Variants in GOSR1 observed in about 807,000 individuals in gnomAD.
The protein encoded by GOSR1 is golgi SNAP receptor complex member 1, also known as 28 kDa Golgi SNARE protein.
Under a neutral mutation model 35.5 loss-of-function variants are expected in GOSR1, and 21 were observed. The ratio of observed to expected loss-of-function variants is 0.59; its 90% CI spans 0.42 to 0.85. The LOEUF (loss-of-function observed/expected upper bound fraction) is 0.85, where lower values mean the gene tolerates loss of function less well. GOSR1 is among the 40% of genes least tolerant of loss of function. The probability of loss-of-function intolerance (pLI) is 0.00; values close to 1 mark genes in which losing one functional copy is unlikely to be tolerated. For synonymous variants in GOSR1, 94 were observed against 106.6 expected (o/e 0.88, Z 0.73); for missense variants, 285 against 309.6 (o/e 0.92, Z 0.60).
chr17:30,523,383 C>T lies in GOSR1; in HGVS notation c.*1005C>T. The T allele has an allele frequency of 5.7e-6, 1 of 174,812 alleles. No homozygotes were observed. The highest frequency in any genetic ancestry group is 1.2e-5 in the Non-Finnish European group (1 of 82,976). 10.8% of individuals were successfully genotyped at this position (174,812 alleles called of 1,614,324 possible). A position where few individuals can be genotyped will look rare whatever the true frequency, so the allele number is the denominator to read the frequency against. ...GGAGGTGAGGAGCGTCTCTGTCTGG[C>T]CACCCCGTCTGAGAAGTGAGGAGAC... On this transcript the variant is annotated 3_prime_UTR_variant, in exon 9 of 9. Coordinates refer to ENST00000451249, the MANE Select transcript of GOSR1 (RefSeq NM_001007025.2).
chr17:30,498,958 A>G (rs1022693393), intron 6 of GOSR1, among the ~76,000 whole-genome samples: 1 of 152,240 alleles, frequency 6.6e-6, no homozygotes, highest in Non-Finnish European at 1.5e-5. Context: ...CCACAGTAAG[A>G]CAGAGAACAT....
chr17:30,516,135 C>G (rs1056992491), intron 7 of GOSR1, among the ~76,000 whole-genome samples: 1 of 151,262 alleles, frequency 6.6e-6, no homozygotes, highest in Non-Finnish European at 1.5e-5. Flanking sequence ...TATACAAGTA[C>G]AGTGTTCTTA....
chr17:30,495,698 A>G (rs1419575925), intron 6 of GOSR1: 20 of 259,520 alleles, frequency 7.7e-5, no homozygotes, highest in Non-Finnish European at 1.2e-4. Context: ...CTACCTTGCT[A>G]CCTTAGCCAG....
At chr17:30,521,333 C>T (rs946837043) in intron 8 of GOSR1, among the ~76,000 whole-genome samples, 22 of 151,896 alleles carry the variant, frequency 1.4e-4, no homozygotes, top group Non-Finnish European at 2.9e-5. Flanking sequence ...CAGACACGTG[C>T]CACCATGCCC....
At chr17:30,487,310 T>G (rs1272560707) in intron 4 of GOSR1, among the ~76,000 whole-genome samples, 2 of 152,076 alleles carry the variant, frequency 1.3e-5, no homozygotes, top group African/African-American at 2.4e-5. Context: ...CCAGAACAAA[T>G]TCCAAATGGA....
chr17:30,489,248 G>A (rs575379853), intron 4 of GOSR1, among the ~76,000 whole-genome samples: 1 of 152,202 alleles, frequency 6.6e-6, no homozygotes, highest in East Asian at 1.9e-4. Context: ...GCTGGATGTA[G>A]TGGCACGCTC....
At chr17:30,499,770 G>T (rs1018223123) in intron 6 of GOSR1, among the ~76,000 whole-genome samples, 5 of 152,160 alleles carry the variant, frequency 3.3e-5, no homozygotes, top group African/African-American at 1.2e-4. Flanking sequence ...CCTGTCAGTG[G>T]TGTGTGGGAG....
At position 30,519,314 on chromosome 17, in the gene GOSR1, A is replaced by G. The variant is rs146061294; in HGVS notation, c.540-625A>G. Among the ~76,000 whole-genome samples, 71 of 152,184 alleles carry G rather than the reference A, an allele frequency of 4.7e-4. 1 individual carries two copies. The highest frequency in any genetic ancestry group is 1.7e-3 in the African/African-American group (70 of 41,532). On this transcript the variant is annotated intron_variant, in intron 7 of 8. Coordinates refer to ENST00000451249, the MANE Select transcript of GOSR1 (RefSeq NM_001007025.2). ...GTGATCCTCCCACCTCGGTCTTCCA[A>G]ATTCGGTGCTGGGATTACAGACGTG...
chr17:30,477,901 GAGA>G, intron 1 of GOSR1: 1 of 985,078 alleles, frequency 1.0e-6, no homozygotes, highest in Non-Finnish European at 1.2e-6. Context: ...AGTGGGAAAA[GAGA>G]AGGAGGAACT....
At chr17:30,497,242 A>G (rs189072984) in intron 6 of GOSR1, among the ~76,000 whole-genome samples, 20 of 152,308 alleles carry the variant, frequency 1.3e-4, no homozygotes, top group Admixed American at 1.1e-3. Context: ...TGAAATAATA[A>G]TAATAATAAA....
chr17:30,499,190 G>A (rs375411453), intron 6 of GOSR1, among the ~76,000 whole-genome samples: 68 of 152,122 alleles, frequency 4.5e-4, no homozygotes, highest in East Asian at 1.7e-3. Context: ...TTTCAATAGC[G>A]GAATAACTTC....
chr17:30,497,294 TC>T (rs932118932), intron 6 of GOSR1, among the ~76,000 whole-genome samples: 32 of 152,214 alleles, frequency 2.1e-4, no homozygotes, highest in African/African-American at 7.7e-4. Flanking sequence ...TAATTTTTTT[TC>T]ATCTTCCTCT....
At chr17:30,517,012 G>T (rs1967844177) in intron 7 of GOSR1, among the ~76,000 whole-genome samples, 1 of 152,208 alleles carries the variant, frequency 6.6e-6, no homozygotes, top group South Asian at 2.1e-4. Flanking sequence ...ACCGCGCCTA[G>T]CCCTAACTCA....
At chr17:30,512,664 T>G (rs545358019) in intron 7 of GOSR1, among the ~76,000 whole-genome samples, 1 of 152,238 alleles carries the variant, frequency 6.6e-6, no homozygotes, top group African/African-American at 2.4e-5. Flanking sequence ...AATTTCCTTA[T>G]GTTGACTGAA....
intron 8 of GOSR1, among the ~76,000 whole-genome samples, chr17:30,521,704 G>A (rs1968042933): frequency 1.3e-5 from 2 of 152,084 alleles, no homozygotes; most frequent in African/African-American, 2.4e-5. Flanking sequence ...TAATTCACCA[G>A]TGTCTGATTA....
chr17:30,526,264 C>T lies in GOSR1; in HGVS notation c.*3886C>T, dbSNP rs1968180795. 1 of 152,166 alleles carries T rather than the reference C, an allele frequency of 6.6e-6. No homozygotes were observed. Among genetic ancestry groups the T allele is most frequent in the Non-Finnish European group, 1.5e-5 (1 of 68,028 alleles). The allele number at this position is 152,166 out of a possible 1,614,324, so 9.4% of individuals were successfully genotyped here. A position where few individuals can be genotyped will look rare whatever the true frequency, so the allele number is the denominator to read the frequency against. On this transcript the variant is annotated 3_prime_UTR_variant, in exon 9 of 9. Transcript: ENST00000451249. The stretch of plus-strand genomic sequence containing the variant: ...CTTAGGGGAAGTTATGCCCCCTCAA[C>T]TATTGTCTTATTATAATGAATCTTT...
At chr17:30,497,263 A>G (rs943742624) in intron 6 of GOSR1, among the ~76,000 whole-genome samples, 1 of 152,118 alleles carries the variant, frequency 6.6e-6, no homozygotes, top group African/African-American at 2.4e-5. Flanking sequence ...AATACTAAGT[A>G]TATTTCTTGG....
At position 30,522,358 on chromosome 17, in the gene GOSR1, C is replaced by G. The variant is rs773444905; in HGVS notation, c.727C>G (p.Leu243Val). ...GVIGICTILL[L>V]LYAFH Reference sequence around the variant, plus strand: ...TATTGGGATCTGTACCATCCTGTTGCTGCTGTATGCGTTCCATTGATGGGA... The same window carrying G: ...TATTGGGATCTGTACCATCCTGTTGGTGCTGTATGCGTTCCATTGATGGGA... Residue 243 changes from leucine to valine, a missense_variant, in exon 9 of 9, where the codon CTG becomes GTG. Leu to Val is a conservative substitution (Grantham distance 32). Around this residue, in one of 3 missense-constraint regions of GOSR1, gnomAD observed 168 missense variants for 183.2 expected, o/e 0.92. Transcript: ENST00000451249. 2.5e-6 allele frequency: 4 copies of G among 1,591,092 alleles called. No homozygotes were observed. In the African/African-American group the frequency reaches 5.4e-5, roughly 21 times the overall value.
chr17:30,484,009 C>T (rs1371118304), intron 2 of GOSR1, among the ~76,000 whole-genome samples: 1 of 152,074 alleles, frequency 6.6e-6, no homozygotes, highest in African/African-American at 2.4e-5. Flanking sequence ...TGGTAAGAGT[C>T]AAGGAAAGAA....
Sources: gnomAD v4.1 joint callset for allele counts (sites outside exome capture counted in the v4.1 genomes callset) on GRCh38, gnomAD v4.1.1 for gene constraint, gnomAD v4.1.1 regional missense constraint, MANE v1.5 for transcripts, NCBI Gene and HGNC (gene_info 2026-07-23, HGNC 2026-07-21) for gene names.